KCNT2: variants seen among roughly 807,000 people sequenced by gnomAD.
The protein encoded by KCNT2 is potassium sodium-activated channel subfamily T member 2.
Under a neutral mutation model 153.8 loss-of-function variants are expected in KCNT2, and 67 were observed. The ratio of observed to expected loss-of-function variants is 0.44; its 90% confidence interval spans 0.36 to 0.53. The LOEUF is 0.53. KCNT2 is among the 20% of genes least tolerant of loss of function. The pLI is 0.00. For synonymous variants in KCNT2, 500 were observed against 458.8 expected (o/e 1.09, Z -1.15); for missense variants, 975 against 1,354.8 (o/e 0.72, Z 4.40).
At chr1:196,501,401 G>A (rs751033961) in intron 1 of KCNT2, among the ~76,000 whole-genome samples, 3 of 151,426 alleles carry the variant, frequency 2.0e-5, no homozygotes, top group Non-Finnish European at 4.4e-5. Context: ...ATACTGTTTG[G>A]GTATAAAAAA....
chr1:196,487,134 A>G (rs1303264874), intron 3 of KCNT2, among the ~76,000 whole-genome samples: 2 of 151,914 alleles, frequency 1.3e-5, no homozygotes, highest in African/African-American at 2.4e-5. Context: ...CACGGCATAG[A>G]GTCGAGTGCA....
At chr1:196,429,440 T>C in intron 9 of KCNT2, 137 bp downstream of exon 9, 2 of 504,088 alleles carry the variant, frequency 4.0e-6, no homozygotes, top group South Asian at 5.2e-5. Flanking sequence ...ATTTATGTAA[T>C]TGATTAAATG....
intron 12 of KCNT2, among the ~76,000 whole-genome samples, chr1:196,399,422 A>G (rs1671228399): frequency 6.6e-6 from 1 of 151,808 alleles, no homozygotes; most frequent in Non-Finnish European, 1.5e-5. Context: ...AATTTGAAGT[A>G]ACTAAACTTA....
At position 196,596,909 on chromosome 1, in the gene KCNT2, C is replaced by A. The variant is rs372532917; in HGVS notation, c.95+11306G>T. Among the ~76,000 whole-genome samples the A allele has an allele frequency of 5.9e-5, 9 of 151,966 alleles. 1 individual carries two copies. Among genetic ancestry groups the A allele is most frequent in the Admixed American group, 4.6e-4 (7 of 15,252 alleles). The stretch of plus-strand genomic sequence containing the variant: ...TAGTGATGGAGTTTTGCCATTTTTC[C>A]CAGGCTGATCTAGAACCTGGGCTCA... On this transcript the variant is annotated intron_variant, in intron 1 of 27. Coordinates refer to ENST00000294725, the MANE Select transcript of KCNT2 (RefSeq NM_198503.5).
At chr1:196,416,174 C>G (rs1672738534) in intron 12 of KCNT2, among the ~76,000 whole-genome samples, 1 of 151,884 alleles carries the variant, frequency 6.6e-6, no homozygotes, top group Non-Finnish European at 1.5e-5. Context: ...CACATTGGCT[C>G]TTGAAGTATT....
rs1388663440 is a variant in KCNT2 at position 196,258,373 on chromosome 1, C to T, written c.3032G>A (p.Arg1011Gln). The change falls in exon 26 of 28, where the codon CGG (arginine) becomes CAG (glutamine). Residue 1011 changes from arginine to glutamine, a missense_variant. Physicochemically the swap from Arg to Gln is conservative, Grantham distance 43. Transcript: ENST00000294725. ...SSDQSDHPLL[R>Q]RKSMQWARRL... The stretch of plus-strand genomic sequence containing the variant: ...TCGGGCCCACTGCATGCTTTTTCTC[C>T]GCAGCAAGGGATGGTCCGACTGATC... 1.3e-5 allele frequency: 21 copies of T among 1,613,852 alleles called. No individual in the cohort carries two copies. The highest frequency in any genetic ancestry group is 1.6e-5 in the Non-Finnish European group (19 of 1,179,974).
chr1:196,569,004 T>C (rs1660459224), intron 1 of KCNT2, among the ~76,000 whole-genome samples: 1 of 152,120 alleles, frequency 6.6e-6, no homozygotes, highest in African/African-American at 2.4e-5. Flanking sequence ...CAGGAGTCAC[T>C]CATCATTGCT....
rs140269976 is a variant in KCNT2 at position 196,310,233 on chromosome 1, G to A, written c.2484-4888C>T. On this transcript the variant is annotated intron_variant, in intron 21 of 27. Transcript: ENST00000294725. ...ATTTGCCATGGTAGCTGGAAATAAT[G>A]TTTTTAATTAACAGGGGGTATACAT... Among the ~76,000 whole-genome samples the A allele has an allele frequency of 3.4e-3, 510 of 151,978 alleles. 4 individuals are homozygous for A. The highest frequency in any genetic ancestry group is 0.012 in the African/African-American group (492 of 41,524).
chr1:196,304,157 C>T (rs1048597859), intron 22 of KCNT2, among the ~76,000 whole-genome samples: 2 of 152,056 alleles, frequency 1.3e-5, no homozygotes, highest in Admixed American at 6.6e-5. Context: ...ATAAACATCA[C>T]GTGTGTGACT....
chr1:196,359,875 A>C (rs1027729876), intron 14 of KCNT2, among the ~76,000 whole-genome samples: 2 of 152,010 alleles, frequency 1.3e-5, no homozygotes, highest in African/African-American at 4.8e-5. Flanking sequence ...TAAGAGAATC[A>C]AGAGATAAGG....
chr1:196,305,760 T>C lies in KCNT2; in HGVS notation c.2484-415A>G, dbSNP rs553441064. Among the ~76,000 whole-genome samples, 5 of 152,298 alleles carry C rather than the reference T, an allele frequency of 3.3e-5. No individual in the cohort carries two copies. The South Asian group carries it at 1.0e-3, about 32-fold the overall frequency. On this transcript the variant is annotated intron_variant, in intron 21 of 27. Coordinates refer to ENST00000294725, the MANE Select transcript of KCNT2 (RefSeq NM_198503.5). ...CTTCTTGTCTACTATGTGAGCTCTT[T>C]CATGTCCTATGGCTCCTTATTCTCA... is the stretch of plus-strand genomic sequence containing the variant.
intron 12 of KCNT2, among the ~76,000 whole-genome samples, chr1:196,399,242 A>G (rs897659113): frequency 2.7e-4 from 41 of 151,606 alleles, no homozygotes; most frequent in African/African-American, 9.9e-4. Context: ...CTTAACACGA[A>G]CTCCTTTACA....
chr1:196,404,847 T>C (rs1671701338), intron 12 of KCNT2, among the ~76,000 whole-genome samples: 1 of 151,628 alleles, frequency 6.6e-6, no homozygotes, highest in African/African-American at 2.4e-5. Flanking sequence ...AGAAAAACAA[T>C]ATTTACTTCA....
chr1:196,336,489 T>G (rs1261773096), intron 16 of KCNT2, among the ~76,000 whole-genome samples: 2 of 152,170 alleles, frequency 1.3e-5, no homozygotes, highest in Non-Finnish European at 2.9e-5. Flanking sequence ...TACAATCTAT[T>G]ATACAAACCC....
At chr1:196,470,518 T>A (rs1204860765) in intron 5 of KCNT2, among the ~76,000 whole-genome samples, 1 of 152,100 alleles carries the variant, frequency 6.6e-6, no homozygotes, top group Non-Finnish European at 1.5e-5. Flanking sequence ...AAGGTCTGTG[T>A]CAGAGCCCTA....
intron 14 of KCNT2, among the ~76,000 whole-genome samples, chr1:196,368,332 G>A (rs1401472889): frequency 6.6e-6 from 1 of 151,846 alleles, no homozygotes; most frequent in Admixed American, 6.6e-5. Flanking sequence ...TTCTTTAGTG[G>A]TACTTAAAAT....
intron 14 of KCNT2, among the ~76,000 whole-genome samples, chr1:196,368,936 A>G (rs774902081): frequency 6.6e-5 from 10 of 152,018 alleles, no homozygotes; most frequent in Non-Finnish European, 1.2e-4. Context: ...ATTATTTTCT[A>G]CTGTCCAGTG....
chr1:196,451,665 G>A lies in KCNT2; in HGVS notation c.638+13628C>T, dbSNP rs1018646993. ...GGAACATTAATATACTTCTTATAAGGAGCATTAATTTTTTTACTCAATAAG... is the reference window on the plus strand; with the variant it reads ...GGAACATTAATATACTTCTTATAAGAAGCATTAATTTTTTTACTCAATAAG... On this transcript the variant is annotated intron_variant, in intron 8 of 27. Transcript: ENST00000294725. Among the ~76,000 whole-genome samples the A allele has an allele frequency of 1.3e-4, 19 of 151,390 alleles. 1 individual carries two copies. Among genetic ancestry groups the A allele is most frequent in the East Asian group, 2.0e-4 (1 of 5,100 alleles).
chr1:196,548,141 A>C (rs1036612312), intron 1 of KCNT2, among the ~76,000 whole-genome samples: 1 of 151,728 alleles, frequency 6.6e-6, no homozygotes, highest in Non-Finnish European at 1.5e-5. Flanking sequence ...AGTAAAAAAA[A>C]CATTTCTTTG....
Sources: gnomAD v4.1 joint callset for allele counts (sites outside exome capture counted in the v4.1 genomes callset) on GRCh38, gnomAD v4.1.1 for gene constraint, MANE v1.5 for transcripts, NCBI Gene and HGNC (gene_info 2026-07-23, HGNC 2026-07-21) for gene names.